Variants in PTPRK observed in about 807,000 individuals in gnomAD.
PTPRK encodes protein tyrosine phosphatase receptor type K, also known as receptor-type tyrosine-protein phosphatase kappa.
In PTPRK, 75 loss-of-function variants were observed where a neutral mutation model predicts 178.0. That is an observed-to-expected ratio of 0.42 (90% confidence interval 0.35 to 0.51). The LOEUF is 0.51. Ranked by LOEUF, PTPRK falls within the 20% of genes least tolerant of loss-of-function variation. PTPRK has a pLI of 0.02. For missense variants in PTPRK, 1,441 were observed against 1,797.8 expected (o/e 0.80, Z 3.59); for synonymous variants, 637 against 620.6 (o/e 1.03, Z -0.39).
At chr6:128,311,237 T>C (rs944802321) in intron 3 of PTPRK, among the ~76,000 whole-genome samples, 1 of 152,174 alleles carries the variant, frequency 6.6e-6, no homozygotes, top group Non-Finnish European at 1.5e-5. Flanking sequence ...CGCAACTTCA[T>C]AGGTCTAGTT....
intron 13 of PTPRK, among the ~76,000 whole-genome samples, chr6:128,015,894 T>C (rs1386654009): frequency 2.0e-5 from 3 of 151,948 alleles, no homozygotes; most frequent in South Asian, 2.1e-4. Context: ...ATTTAAATTA[T>C]ATCTTACCAC....
chr6:128,194,070 T>TATA (rs1222166687), intron 6 of PTPRK, among the ~76,000 whole-genome samples: 2 of 131,302 alleles, frequency 1.5e-5, no homozygotes, highest in African/African-American at 6.3e-5. Flanking sequence ...ATATATATTA[T>TATA]TATTATTATT....
intron 3 of PTPRK, among the ~76,000 whole-genome samples, chr6:128,269,814 A>G (rs547223018): frequency 6.6e-6 from 1 of 152,244 alleles, no homozygotes; most frequent in Non-Finnish European, 1.5e-5. Context: ...GTCAATTCCA[A>G]TTACAAAGTT....
At chr6:128,449,357 C>T (rs796680626) in intron 1 of PTPRK, among the ~76,000 whole-genome samples, 32 of 152,272 alleles carry the variant, frequency 2.1e-4, no homozygotes, top group African/African-American at 7.5e-4. Context: ...AATACCTATA[C>T]TCATGTATTA....
At chr6:128,370,108 G>T (rs2128348183) in intron 2 of PTPRK, among the ~76,000 whole-genome samples, 1 of 152,222 alleles carries the variant, frequency 6.6e-6, no homozygotes, top group East Asian at 1.9e-4. Context: ...CATATCATTT[G>T]TTCCCTTGCA....
At chr6:128,041,690 T>G (rs9482865) in intron 13 of PTPRK, among the ~76,000 whole-genome samples, 33,224 of 151,736 alleles carry the variant, frequency 0.22, 4,713 homozygotes, top group African/African-American at 0.4. Flanking sequence ...CAAAGTGAAG[T>G]TTGAACTGCC....
At chr6:128,285,989 T>C (rs901877896) in intron 3 of PTPRK, among the ~76,000 whole-genome samples, 2 of 152,100 alleles carry the variant, frequency 1.3e-5, no homozygotes, top group Non-Finnish European at 2.9e-5. Context: ...AAGATCCTAC[T>C]GTTGTTAAAT....
intron 9 of PTPRK, 48 bp downstream of exon 9, chr6:128,083,667 T>C: frequency 8.7e-7 from 1 of 1,146,492 alleles, no homozygotes; most frequent in Non-Finnish European, 1.2e-6. Context: ...CTTCTTCCTT[T>C]TAGTCCTTCA....
At chr6:128,438,275 C>T (rs1176147980) in intron 1 of PTPRK, among the ~76,000 whole-genome samples, 1 of 152,212 alleles carries the variant, frequency 6.6e-6, no homozygotes, top group Non-Finnish European at 1.5e-5. Context: ...GAAAATTCTG[C>T]GTGCCACTTT....
At chr6:128,191,080 C>T in intron 6 of PTPRK, among the ~76,000 whole-genome samples, 1 of 152,054 alleles carries the variant, frequency 6.6e-6, no homozygotes, top group East Asian at 1.9e-4. Context: ...TTCTGAGAAC[C>T]ATGAAATAAG....
intron 7 of PTPRK, among the ~76,000 whole-genome samples, chr6:128,154,384 T>TA (rs933169923): frequency 5.3e-5 from 8 of 151,700 alleles, no homozygotes; most frequent in South Asian, 2.1e-4. Flanking sequence ...TTAGTATCTG[T>TA]AAAAAAATCA....
chr6:128,344,083 C>A (rs1238630227), intron 2 of PTPRK, among the ~76,000 whole-genome samples: 1 of 152,182 alleles, frequency 6.6e-6, no homozygotes, highest in East Asian at 1.9e-4. Context: ...TTTATTCTAT[C>A]AAGTGTTCCA....
intron 3 of PTPRK, among the ~76,000 whole-genome samples, chr6:128,286,753 G>T (rs997599894): frequency 2.6e-5 from 4 of 152,168 alleles, no homozygotes; most frequent in Non-Finnish European, 5.9e-5. Flanking sequence ...TTTGAGGGGT[G>T]CACACTGTTA....
chr6:128,512,574 AC>A (rs1452882365), intron 1 of PTPRK, among the ~76,000 whole-genome samples: 3 of 152,216 alleles, frequency 2.0e-5, no homozygotes, highest in Non-Finnish European at 4.4e-5. Context: ...ATAACAAAAA[AC>A]ACTTACAGGC....
At chr6:128,459,916 G>T (rs754790712) in intron 1 of PTPRK, among the ~76,000 whole-genome samples, 1 of 152,160 alleles carries the variant, frequency 6.6e-6, no homozygotes, top group Non-Finnish European at 1.5e-5. Flanking sequence ...TTTCAATCAT[G>T]CAGAAGGCAA....
chr6:128,046,909 T>C (rs1778118657), intron 13 of PTPRK, among the ~76,000 whole-genome samples: 1 of 152,226 alleles, frequency 6.6e-6, no homozygotes, highest in African/African-American at 2.4e-5. Context: ...CTGTTCTTTT[T>C]CTTCTCATGT....
At chr6:127,975,467 T>C (rs1303120547) in intron 27 of PTPRK, among the ~76,000 whole-genome samples, 1 of 152,154 alleles carries the variant, frequency 6.6e-6, no homozygotes, top group Non-Finnish European at 1.5e-5. Flanking sequence ...ATAGACTTAT[T>C]AACCAGACAC....
At chr6:128,123,066 G>A (rs1393938255) in intron 7 of PTPRK, among the ~76,000 whole-genome samples, 1 of 152,138 alleles carries the variant, frequency 6.6e-6, no homozygotes, top group East Asian at 1.9e-4. Flanking sequence ...AGATTTGGGT[G>A]GGCCCTAAAT....
At chr6:128,290,167 G>A (rs1220288150) in intron 3 of PTPRK, among the ~76,000 whole-genome samples, 1 of 151,984 alleles carries the variant, frequency 6.6e-6, no homozygotes, top group African/African-American at 2.4e-5. Context: ...TCTACTCTAT[G>A]GTTACAATTT....
Sources: allele counts gnomAD v4.1 joint callset (sites outside exome capture counted in the v4.1 genomes callset), GRCh38; gene constraint gnomAD v4.1.1; transcripts MANE v1.5; gene names NCBI Gene and HGNC (gene_info 2026-07-23, HGNC 2026-07-21).